The following MYT1L variants were observed in gnomAD, a reference collection of about 807,000 sequenced individuals.
MYT1L encodes the protein myelin transcription factor 1-like protein.
Under a neutral mutation model 126.7 loss-of-function variants are expected in MYT1L, and 12 were observed. That is an observed-to-expected ratio of 0.09 (90% CI 0.06 to 0.15). The LOEUF is 0.15. MYT1L is among the 10% of genes least tolerant of loss of function. MYT1L has a pLI of 1.00. For missense variants in MYT1L, 979 were observed against 1,585.2 expected, an observed-to-expected ratio of 0.62 and a Z score of 6.49; for synonymous variants, 541 against 604.2, an observed-to-expected ratio of 0.90 and a Z score of 1.53.
chr2:2,089,007 T>G (rs1329874601), intron 3 of MYT1L, among the ~76,000 whole-genome samples: 1 of 152,204 alleles, frequency 6.6e-6, no homozygotes, highest in African/African-American at 2.4e-5. Flanking sequence ...TTAAAAGACA[T>G]TTACCAAATA....
chr2:1,863,072 T>A (rs2044925310), intron 18 of MYT1L, among the ~76,000 whole-genome samples: 1 of 152,078 alleles, frequency 6.6e-6, no homozygotes, highest in Admixed American at 6.5e-5. Flanking sequence ...TGTCCAGATG[T>A]GAGATGCTGG....
chr2:1,927,810 C>A (rs1166949688), intron 9 of MYT1L, among the ~76,000 whole-genome samples: 1 of 152,054 alleles, frequency 6.6e-6, no homozygotes, highest in Non-Finnish European at 1.5e-5. Flanking sequence ...TGTTTTGTTA[C>A]ATAAATAAAT....
intron 21 of MYT1L, among the ~76,000 whole-genome samples, chr2:1,821,613 G>C (rs2038534995): frequency 6.6e-6 from 1 of 152,166 alleles, no homozygotes; most frequent in Admixed American, 6.5e-5. Context: ...CTTGGTTTCT[G>C]CCATGTTGTT....
intron 2 of MYT1L, among the ~76,000 whole-genome samples, chr2:2,211,735 G>A (rs1392820033): frequency 6.7e-6 from 1 of 149,330 alleles, no homozygotes; most frequent in Non-Finnish European, 1.5e-5. Context: ...AACCCAGAAG[G>A]CAGAGGTTGC....
At chr2:2,096,982 G>A (rs538871516) in intron 3 of MYT1L, among the ~76,000 whole-genome samples, 1 of 152,092 alleles carries the variant, frequency 6.6e-6, no homozygotes, top group Admixed American at 6.5e-5. Flanking sequence ...GCCAGCGGCG[G>A]CCAGGCTGCA....
chr2:1,934,307 T>TATATATACACAC (rs71276816), intron 9 of MYT1L, among the ~76,000 whole-genome samples: 1 of 132,126 alleles, frequency 7.6e-6, no homozygotes, highest in African/African-American at 2.7e-5. Context: ...TATATATATA[T>TATATATACACAC]ACAACCTCAT....
chr2:2,225,973 A>T lies in MYT1L; in HGVS notation c.-420-52985T>A, dbSNP rs114430237. ...GAGTGAGGGTGGAATGGGGACATGGATGCAGGCTGCCTTGGCTCCAGACGC... is the reference window on the plus strand; with the variant it reads ...GAGTGAGGGTGGAATGGGGACATGGTTGCAGGCTGCCTTGGCTCCAGACGC... On this transcript the variant is annotated intron_variant, in intron 2 of 24. Transcript: ENST00000647738. Among the ~76,000 whole-genome samples the T allele has an allele frequency of 5.5e-3, 832 of 152,292 alleles. 5 individuals are homozygous for T. Among genetic ancestry groups the T allele is most frequent in the African/African-American group, 0.019 (798 of 41,550 alleles).
At chr2:2,269,143 A>C (rs1454162179) in intron 2 of MYT1L, among the ~76,000 whole-genome samples, 3 of 152,176 alleles carry the variant, frequency 2.0e-5, no homozygotes, top group East Asian at 1.9e-4. Context: ...ACACTTTCTA[A>C]ATTATCTGGA....
intron 8 of MYT1L, among the ~76,000 whole-genome samples, chr2:1,964,782 C>G (rs2059212612): frequency 6.6e-6 from 1 of 152,174 alleles, no homozygotes; most frequent in African/African-American, 2.4e-5. Context: ...GCACAGTTTC[C>G]CTGTCATGGA....
intron 9 of MYT1L, among the ~76,000 whole-genome samples, chr2:1,928,303 A>G (rs1328361485): frequency 2.0e-5 from 3 of 152,230 alleles, no homozygotes. Flanking sequence ...ACTACAGAAT[A>G]GTCTGACTCA....
chr2:2,305,748 G>A (rs2095849591), intron 1 of MYT1L, among the ~76,000 whole-genome samples: 1 of 152,178 alleles, frequency 6.6e-6, no homozygotes, highest in Admixed American at 6.5e-5. Context: ...TCTTCACGTG[G>A]TGGAAGGGGA....
chr2:2,232,672 C>A (rs1283589837), intron 2 of MYT1L, among the ~76,000 whole-genome samples: 1 of 152,224 alleles, frequency 6.6e-6, no homozygotes, highest in Non-Finnish European at 1.5e-5. Context: ...AGGACTCTTC[C>A]TGGGAGCTAC....
At chr2:2,174,251 G>T (rs2090450238) in intron 2 of MYT1L, among the ~76,000 whole-genome samples, 1 of 151,702 alleles carries the variant, frequency 6.6e-6, no homozygotes, top group Non-Finnish European at 1.5e-5. Context: ...TTATAATTTG[G>T]GGTTTTATTT....
intron 3 of MYT1L, among the ~76,000 whole-genome samples, chr2:2,097,308 C>G (rs1026866356): frequency 6.6e-6 from 1 of 152,218 alleles, no homozygotes; most frequent in Non-Finnish European, 1.5e-5. Context: ...TGCTGCAGCC[C>G]CTGGAACCCA....
chr2:2,213,443 A>G (rs1338584898), intron 2 of MYT1L, among the ~76,000 whole-genome samples: 1 of 152,158 alleles, frequency 6.6e-6, no homozygotes, highest in Non-Finnish European at 1.5e-5. Context: ...AGTATCCAAC[A>G]TAATATTGAC....
At chr2:2,280,519 C>G (rs1010418258) in intron 2 of MYT1L, among the ~76,000 whole-genome samples, 3 of 152,164 alleles carry the variant, frequency 2.0e-5, no homozygotes, top group Admixed American at 1.3e-4. Flanking sequence ...CCGAACTAAA[C>G]TTCTTCTATC....
At chr2:1,866,523 GAGTTGGGA>G in intron 18 of MYT1L, among the ~76,000 whole-genome samples, 1 of 139,672 alleles carries the variant, frequency 7.2e-6, no homozygotes, top group Non-Finnish European at 1.6e-5. Flanking sequence ...GGGAGAGAGA[GAGTTGGGA>G]GGAGAGAGAG....
rs900890596 is a variant in MYT1L at position 1,934,099 on chromosome 2, G to C, written c.505+8883C>G. Among the ~76,000 whole-genome samples, 5 of 149,198 alleles carry C rather than the reference G, an allele frequency of 3.4e-5. No homozygotes were observed. The South Asian group carries it at 6.3e-4, about 19-fold the overall frequency. On this transcript the variant is annotated intron_variant, in intron 9 of 24. Coordinates refer to ENST00000647738, the MANE Select transcript of MYT1L (RefSeq NM_001303052.2). ...ACGCCATGCTCCTGCCTCAGCCTCT[G>C]GAGTAGCTGGGACTACAGGCACCCG...
chr2:1,950,372 T>C (rs1171052598), intron 8 of MYT1L, among the ~76,000 whole-genome samples: 1 of 151,950 alleles, frequency 6.6e-6, no homozygotes, highest in African/African-American at 2.4e-5. Flanking sequence ...CATTGCATGA[T>C]TGATTTATTC....
Sources: allele counts gnomAD v4.1 joint callset (sites outside exome capture counted in the v4.1 genomes callset), GRCh38; gene constraint gnomAD v4.1.1; transcripts MANE v1.5; gene names NCBI Gene and HGNC (gene_info 2026-07-23, HGNC 2026-07-21).